Variants in ARK2C observed in about 807,000 individuals in gnomAD.
ARK2C encodes arkadia (RNF111) C-terminal like ring finger ubiquitin ligase 2C.
At chr18:46,450,147 A>G in the ARK2C span, 3 of 639,562 alleles carry the variant, frequency 4.7e-6, no homozygotes, top group Middle Eastern at 3.0e-4. Flanking sequence ...TCTTGATGAA[A>G]GAAAAGGGAC....
At chr18:46,344,851 C>G in the ARK2C span, among the ~76,000 whole-genome samples, 1 of 152,228 alleles carries the variant, frequency 6.6e-6, no homozygotes, top group Non-Finnish European at 1.5e-5. Flanking sequence ...GCGGAGGTAG[C>G]TGGGCCAGAG....
chr18:46,394,018 C>T, the ARK2C span, among the ~76,000 whole-genome samples: 2 of 152,226 alleles, frequency 1.3e-5, no homozygotes, highest in Admixed American at 6.5e-5. Flanking sequence ...AGGTGCAGCT[C>T]GCCTTAGGTA....
the ARK2C span, among the ~76,000 whole-genome samples, chr18:46,366,927 A>T: frequency 6.6e-6 from 1 of 152,342 alleles, no homozygotes; most frequent in South Asian, 2.1e-4. Context: ...TCTTGCTGGA[A>T]GGAACAGATT....
At chr18:46,434,527 T>C in the ARK2C span, among the ~76,000 whole-genome samples, 1 of 152,220 alleles carries the variant, frequency 6.6e-6, no homozygotes, top group East Asian at 1.9e-4. Flanking sequence ...ATCTGTGTCA[T>C]GTAGTTTCTG....
the ARK2C span, among the ~76,000 whole-genome samples, chr18:46,415,177 C>T: frequency 5.3e-5 from 8 of 152,254 alleles, no homozygotes; most frequent in Non-Finnish European, 1.0e-4. Context: ...TGACACTCAT[C>T]GAAATGTGAA....
chr18:46,388,848 A>C, the ARK2C span, among the ~76,000 whole-genome samples: 1 of 152,178 alleles, frequency 6.6e-6, no homozygotes, highest in Non-Finnish European at 1.5e-5. Context: ...AAAATTTCAC[A>C]CCCCACTTAG....
chr18:46,421,285 T>C, the ARK2C span, among the ~76,000 whole-genome samples: 2,551 of 152,336 alleles, frequency 0.017, 50 homozygotes, highest in African/African-American at 0.05. Context: ...CATGCAGTTT[T>C]AAAATGCTGA....
the ARK2C span, chr18:46,385,786 G>A: frequency 6.6e-6 from 1 of 152,190 alleles, no homozygotes; most frequent in Non-Finnish European, 1.5e-5. Flanking sequence ...ATCAGTGTTT[G>A]CCTTTATATT....
At chr18:46,389,585 G>C in the ARK2C span, among the ~76,000 whole-genome samples, 1 of 152,144 alleles carries the variant, frequency 6.6e-6, no homozygotes, top group Admixed American at 6.5e-5. Context: ...GGATTATTAC[G>C]CTTTCCCCAG....
chr18:46,343,620 C>A, the ARK2C span, among the ~76,000 whole-genome samples: 11 of 152,212 alleles, frequency 7.2e-5, no homozygotes, highest in Non-Finnish European at 1.6e-4. Context: ...GAGTACTCCG[C>A]GACTTCACTG....
At chr18:46,450,785 C>T in the ARK2C span, 4 of 1,613,204 alleles carry the variant, frequency 2.5e-6, no homozygotes, top group East Asian at 2.2e-5. Flanking sequence ...CACCTTCCCC[C>T]ACAAGTATAA....
chr18:46,361,014 G>C, the ARK2C span, among the ~76,000 whole-genome samples: 1 of 152,262 alleles, frequency 6.6e-6, no homozygotes, highest in South Asian at 2.1e-4. Context: ...TTTTCTGCAA[G>C]TGGAAAAGGT....
chr18:46,404,091 T>C, the ARK2C span, among the ~76,000 whole-genome samples: 2 of 152,210 alleles, frequency 1.3e-5, no homozygotes, highest in Non-Finnish European at 2.9e-5. Flanking sequence ...TACATTCCCA[T>C]GGAAAGTTTC....
chr18:46,429,175 T>A, the ARK2C span, among the ~76,000 whole-genome samples: 3 of 152,356 alleles, frequency 2.0e-5, no homozygotes, highest in East Asian at 3.9e-4. Flanking sequence ...GAATTAAAGT[T>A]CTAGATAATT....
At chr18:46,352,773 G>C in the ARK2C span, among the ~76,000 whole-genome samples, 1 of 152,164 alleles carries the variant, frequency 6.6e-6, no homozygotes, top group Non-Finnish European at 1.5e-5. Flanking sequence ...AAAGGAAGCT[G>C]GGAAGTCTTA....
chr18:46,359,766 T>A, the ARK2C span, among the ~76,000 whole-genome samples: 4 of 152,194 alleles, frequency 2.6e-5, no homozygotes, highest in African/African-American at 9.7e-5. Context: ...AACTTCCCTT[T>A]TCAAAGTCAT....
the ARK2C span, among the ~76,000 whole-genome samples, chr18:46,372,039 G>A: frequency 6.6e-6 from 1 of 152,196 alleles, no homozygotes; most frequent in African/African-American, 2.4e-5. Context: ...GAGATGTCCT[G>A]AAGATGAGGC....
At chr18:46,457,195 C>T in the ARK2C span, 1 of 152,372 alleles carries the variant, frequency 6.6e-6, no homozygotes, top group Non-Finnish European at 1.5e-5. Flanking sequence ...AACGACAGCC[C>T]CAATCTTCCC....
the ARK2C span, among the ~76,000 whole-genome samples, chr18:46,338,043 T>C: frequency 6.6e-6 from 1 of 152,172 alleles, no homozygotes; most frequent in Non-Finnish European, 1.5e-5. Flanking sequence ...GAAGGGGATA[T>C]AACACTTAGG....
Sources: allele counts gnomAD v4.1 joint callset (sites outside exome capture counted in the v4.1 genomes callset), GRCh38; gene constraint gnomAD v4.1.1; transcripts MANE v1.5; gene names NCBI Gene and HGNC (gene_info 2026-07-23, HGNC 2026-07-21).